CLDN2: variants seen among roughly 807,000 people sequenced by gnomAD.
CLDN2 encodes claudin-2.
A neutral mutation model predicts 8.2 loss-of-function variants in CLDN2; 1 was observed. The observed-to-expected ratio is 0.12, with a 90% CI of 0.04 to 0.58. CLDN2 has a LOEUF of 0.58. Among genes scored for constraint, CLDN2 ranks in the 20% least tolerant of loss-of-function variants. The pLI, the probability that CLDN2 is intolerant of heterozygous loss-of-function variation, is 0.90. For synonymous variants in CLDN2, 70 were observed against 70.2 expected, an observed-to-expected ratio of 1.00 and a Z score of 0.01; for missense variants, 108 against 172.9, an observed-to-expected ratio of 0.62 and a Z score of 2.11.
Position 106,901,390 on chromosome X carries a change from C to T in CLDN2, c.-179+886C>T, listed in dbSNP as rs916373425. On this transcript the variant is annotated intron_variant, in intron 1 of 1. Coordinates refer to the CLDN2 transcript ENST00000541806. ...GCGATCATAGATAGCAATTCCTCCC[C>T]TCTCCTGCTTCACAAGACCTTTGTG... is the stretch of plus-strand genomic sequence containing the variant. 43 of 934,892 alleles carry T rather than the reference C, an allele frequency of 4.6e-5. No homozygotes were observed. The South Asian group carries it at 8.7e-4, about 19-fold the overall frequency. The allele number at this position is 934,892 out of a possible 1,213,427, so 77.0% of individuals were successfully genotyped here. A position where few individuals can be genotyped will look rare whatever the true frequency, so the allele number is the denominator to read the frequency against.
chrX:106,923,238 G>C (rs1020058738), intron 1 of CLDN2, among the ~76,000 whole-genome samples: 1 of 112,570 alleles, frequency 8.9e-6, no homozygotes, highest in African/African-American at 3.2e-5. Flanking sequence ...CTCCCAAAGT[G>C]CTGGGATTAT....
At chrX:106,913,715 C>T (rs1933274659), upstream of CLDN2, among the ~76,000 whole-genome samples, 1 of 110,532 alleles carries the variant, frequency 9.0e-6, no homozygotes, top group South Asian at 3.9e-4. Flanking sequence ...TATCTGGAGG[C>T]TCTGGGGAAA....
intron 1 of CLDN2, among the ~76,000 whole-genome samples, chrX:106,921,973 T>C (rs772797938): frequency 5.3e-5 from 6 of 112,371 alleles, no homozygotes; most frequent in South Asian, 3.7e-4. Flanking sequence ...TCTATATTTG[T>C]CAAAGTGGCT....
chrX:106,918,217 A>G (rs1933339883), upstream of CLDN2: 1 of 112,357 alleles, frequency 8.9e-6, no homozygotes, highest in African/African-American at 3.2e-5. Flanking sequence ...CAGCCTTGGG[A>G]ATTCGGCTGG....
chrX:106,907,702 AAATAAT>A (rs200946606), intron 1 of CLDN2, among the ~76,000 whole-genome samples: 4,832 of 95,275 alleles, frequency 0.051, 137 homozygotes, highest in African/African-American at 0.088. Flanking sequence ...CTCCGTCTCA[AAATAAT>A]AATAATAATA....
chrX:106,908,046 A>G (rs1341052824), intron 1 of CLDN2, among the ~76,000 whole-genome samples: 1 of 111,344 alleles, frequency 9.0e-6, no homozygotes, highest in African/African-American at 3.3e-5. Flanking sequence ...CATTATATTG[A>G]CCCAGTTACT....
At chrX:106,925,029 T>C (rs897498546) in intron 1 of CLDN2, among the ~76,000 whole-genome samples, 1 of 111,125 alleles carries the variant, frequency 9.0e-6, no homozygotes, top group Non-Finnish European at 1.9e-5. Flanking sequence ...ACATAAGATA[T>C]AGTCTTGCCC....
intron 1 of CLDN2, among the ~76,000 whole-genome samples, chrX:106,905,627 C>T (rs1410136881): frequency 3.6e-5 from 4 of 111,742 alleles, no homozygotes; most frequent in Admixed American, 9.5e-5. Context: ...AGAAGCACAA[C>T]ACCTGTTGTC....
upstream of CLDN2, among the ~76,000 whole-genome samples, chrX:106,919,288 C>T (rs753028369): frequency 3.6e-5 from 4 of 111,433 alleles, no homozygotes; most frequent in South Asian, 1.5e-3. Context: ...TTATGAGGAC[C>T]TCTATTTTCT....
At chrX:106,921,589 T>G (rs1427394639) in intron 1 of CLDN2, among the ~76,000 whole-genome samples, 1 of 111,709 alleles carries the variant, frequency 9.0e-6, no homozygotes, top group Non-Finnish European at 1.9e-5. Context: ...TCCCATGTAG[T>G]CTTAGGAGGG....
intron 1 of CLDN2, among the ~76,000 whole-genome samples, chrX:106,910,215 G>A (rs1048431827): frequency 4.5e-5 from 5 of 111,276 alleles, no homozygotes; most frequent in African/African-American, 1.6e-4. Flanking sequence ...GTAAGCAAAC[G>A]ATACTAGTAA....
In CLDN2 at chrX:106,927,992, T is replaced by C. The variant is rs1284220675; in HGVS notation, c.-178-59T>C. 6 of 321,019 alleles carry C rather than the reference T, an allele frequency of 1.9e-5. No individual in the cohort carries two copies. In the Admixed American group the frequency reaches 2.7e-4, roughly 14 times the overall value. The allele number at this position is 321,019 out of a possible 1,213,427, so 26.5% of individuals were successfully genotyped here. A position where few individuals can be genotyped will look rare whatever the true frequency, so the allele number is the denominator to read the frequency against. On this transcript the variant is annotated intron_variant, in intron 1 of 1. Coordinates refer to ENST00000336803, the MANE Select transcript of CLDN2 (RefSeq NM_020384.4). ...ACAAAGGTCAAAAGGCATCCAGCGTTTTCTGGTTTCTCATAAGCTTCTGGT... is the reference window on the plus strand; with the variant it reads ...ACAAAGGTCAAAAGGCATCCAGCGTCTTCTGGTTTCTCATAAGCTTCTGGT...
At chrX:106,925,268 T>A (rs1933450523) in intron 1 of CLDN2, among the ~76,000 whole-genome samples, 1 of 111,943 alleles carries the variant, frequency 8.9e-6, no homozygotes, top group African/African-American at 3.2e-5. Context: ...ATTACTATGA[T>A]GGAAGTAAAC....
intron 1 of CLDN2, 81 bp from the exon 2 acceptor site, chrX:106,927,970 A>G: frequency 3.3e-6 from 1 of 300,907 alleles, no homozygotes; most frequent in Non-Finnish European, 5.8e-6. Flanking sequence ...AAAGATAACA[A>G]AGGTCAAAAG....
upstream of CLDN2, among the ~76,000 whole-genome samples, chrX:106,919,579 G>A (rs1171525068): frequency 9.0e-6 from 1 of 111,437 alleles, no homozygotes; most frequent in Non-Finnish European, 1.9e-5. Flanking sequence ...CGCCTCCTGG[G>A]TCCAAGTGAT....
chrX:106,922,446 T>C (rs1354800390), intron 1 of CLDN2, among the ~76,000 whole-genome samples: 2 of 112,318 alleles, frequency 1.8e-5, no homozygotes, highest in Admixed American at 9.4e-5. Flanking sequence ...GGGGAGAGGC[T>C]TTCCTCTTGG....
chrX:106,918,762 G>A (rs1420650482), upstream of CLDN2, among the ~76,000 whole-genome samples: 1 of 111,637 alleles, frequency 9.0e-6, no homozygotes, highest in Non-Finnish European at 1.9e-5. Context: ...GGGAGTTGGT[G>A]TTGTACACTG....
intron 1 of CLDN2, among the ~76,000 whole-genome samples, chrX:106,923,077 C>T (rs371856270): frequency 9.2e-5 from 10 of 108,909 alleles, no homozygotes; most frequent in South Asian, 4.1e-4. Flanking sequence ...CCGGTTCCAG[C>T]GATTCTCCTG....
rs1226193123 is a variant in CLDN2, at chrX:106,928,650, A to G, written c.422A>G (p.His141Arg). 2 of 1,211,568 alleles carry G rather than the reference A, an allele frequency of 1.7e-6. No individual in the cohort carries two copies. Among genetic ancestry groups the G allele is most frequent in the Non-Finnish European group, 2.2e-6 (2 of 895,434 alleles). The change falls in exon 2 of 2, where the codon CAT (histidine) becomes CGT (arginine). Residue 141 changes from histidine to arginine, a missense_variant. Around this residue, in one of 2 missense-constraint regions of CLDN2, gnomAD observed 81 missense variants for 100.8 expected, o/e 0.80. Coordinates refer to ENST00000336803, the MANE Select transcript of CLDN2 (RefSeq NM_020384.4). ...LGFIPVAWNL[H>R]GILRDFYSPL... ...TTCATTCCTGTTGCCTGGAATCTTC[A>G]TGGGATCCTACGGGACTTCTACTCA...
Sources: allele counts gnomAD v4.1 joint callset (sites outside exome capture counted in the v4.1 genomes callset), GRCh38; gene constraint gnomAD v4.1.1; regional missense constraint gnomAD v4.1.1; transcripts MANE v1.5; gene names NCBI Gene and HGNC (gene_info 2026-07-23, HGNC 2026-07-21).